Variants in AFG1L observed in about 807,000 individuals in gnomAD.
AFG1L encodes AFG1-like ATPase.
A neutral mutation model predicts 62.2 loss-of-function variants in AFG1L; 53 were observed. The observed-to-expected ratio is 0.85, with a 90% CI of 0.68 to 1.07. The LOEUF (loss-of-function observed/expected upper bound fraction) is 1.07. AFG1L is among the 50% of genes least tolerant of loss of function. AFG1L has a pLI of 0.00. For missense variants in AFG1L, 555 were observed against 590.5 expected, an observed-to-expected ratio of 0.94 and a Z score of 0.62; for synonymous variants, 228 against 210.3, an observed-to-expected ratio of 1.08 and a Z score of -0.73.
chr6:108,478,173 C>A (rs1291222036), intron 10 of AFG1L, among the ~76,000 whole-genome samples: 1 of 152,170 alleles, frequency 6.6e-6, no homozygotes, highest in Non-Finnish European at 1.5e-5. Flanking sequence ...TGCGGTGGCT[C>A]GCGCCTGTAA....
chr6:108,372,425 G>A (rs747358384), intron 6 of AFG1L, among the ~76,000 whole-genome samples: 11 of 151,422 alleles, frequency 7.3e-5, no homozygotes, highest in Non-Finnish European at 1.5e-4. Context: ...CGCCTCCTGG[G>A]TTCAAGCGCC....
chr6:108,522,222 T>C, intron 12 of AFG1L, 75 bp from the exon 13 acceptor site: 1 of 1,476,954 alleles, frequency 6.8e-7, no homozygotes, highest in Non-Finnish European at 9.2e-7. Context: ...TAAAAAGTTT[T>C]TTTAAACCTA....
chr6:108,352,046 A>G (rs1779103520), intron 3 of AFG1L, among the ~76,000 whole-genome samples: 1 of 152,284 alleles, frequency 6.6e-6, no homozygotes, highest in Middle Eastern at 3.4e-3. Flanking sequence ...AACTATTACC[A>G]CCATCTATCT....
chr6:108,480,977 C>G (rs771277621), intron 10 of AFG1L, among the ~76,000 whole-genome samples: 1 of 152,204 alleles, frequency 6.6e-6, no homozygotes, highest in Non-Finnish European at 1.5e-5. Flanking sequence ...CTGCCCAACT[C>G]ATGTGTGTTG....
chr6:108,319,495 T>C (rs1582583793), intron 1 of AFG1L: 2 of 155,464 alleles, frequency 1.3e-5, no homozygotes, highest in Admixed American at 1.3e-4. Context: ...CCCAGGCTGG[T>C]CTCGAGCTCC....
At chr6:108,340,837 G>A (rs1778653892) in intron 2 of AFG1L, among the ~76,000 whole-genome samples, 1 of 152,184 alleles carries the variant, frequency 6.6e-6, no homozygotes, top group South Asian at 2.1e-4. Context: ...GGGTGCAGAC[G>A]TGGGTGGGAT....
At chr6:108,373,324 G>T (rs1342357103) in intron 6 of AFG1L, among the ~76,000 whole-genome samples, 1 of 152,004 alleles carries the variant, frequency 6.6e-6, no homozygotes, top group Non-Finnish European at 1.5e-5. Flanking sequence ...ATTCATTTAG[G>T]CTAATGGCCT....
chr6:108,461,568 G>T, intron 8 of AFG1L, among the ~76,000 whole-genome samples: 1 of 152,006 alleles, frequency 6.6e-6, no homozygotes. Context: ...CCATTTTCCC[G>T]CCTCAGCCTA....
At chr6:108,522,198 TA>T in intron 12 of AFG1L, 98 bp from the exon 13 acceptor site, 3 of 1,094,132 alleles carry the variant, frequency 2.7e-6, no homozygotes, top group Non-Finnish European at 3.9e-6. Flanking sequence ...AGGCATAATC[TA>T]AACCGGTAAG....
At chr6:108,442,845 C>T (rs1771608072) in intron 7 of AFG1L, among the ~76,000 whole-genome samples, 1 of 152,150 alleles carries the variant, frequency 6.6e-6, no homozygotes, top group African/African-American at 2.4e-5. Flanking sequence ...GGAAACCCCT[C>T]ATTTCCAGGG....
intron 8 of AFG1L, among the ~76,000 whole-genome samples, chr6:108,447,749 C>A (rs1771877928): frequency 6.6e-6 from 1 of 151,964 alleles, no homozygotes; most frequent in South Asian, 2.1e-4. Context: ...TACACAAATA[C>A]AACTGGATAT....
intron 6 of AFG1L, among the ~76,000 whole-genome samples, chr6:108,375,854 C>G (rs2114533804): frequency 6.6e-6 from 1 of 152,106 alleles, no homozygotes; most frequent in Non-Finnish European, 1.5e-5. Flanking sequence ...GGAGTCTCTC[C>G]TCAGTTTTTT....
intron 8 of AFG1L, among the ~76,000 whole-genome samples, chr6:108,473,617 G>T (rs1772990258): frequency 6.6e-6 from 1 of 152,134 alleles, no homozygotes; most frequent in Non-Finnish European, 1.5e-5. Flanking sequence ...GAGTGCAATG[G>T]CACAATCTTG....
In AFG1L at chr6:108,326,174, G is replaced by A. The variant is rs531598139; in HGVS notation, c.363+2126G>A. On this transcript the variant is annotated intron_variant, in intron 2 of 12. Coordinates refer to ENST00000368977, the MANE Select transcript of AFG1L (RefSeq NM_145315.5). ...TAGCCTTGAAGTCCTGGGCCCAAGTGATTCTCCTCCCGCAGCCCCCTGAGT... is the reference window on the plus strand; with the variant it reads ...TAGCCTTGAAGTCCTGGGCCCAAGTAATTCTCCTCCCGCAGCCCCCTGAGT... Among the ~76,000 whole-genome samples the A allele has an allele frequency of 3.3e-5, 5 of 152,244 alleles. No individual in the cohort carries two copies. In the East Asian group the frequency reaches 9.7e-4, roughly 29 times the overall value.
chr6:108,450,351 A>G (rs1476008022), intron 8 of AFG1L, among the ~76,000 whole-genome samples: 1 of 152,170 alleles, frequency 6.6e-6, no homozygotes, highest in Non-Finnish European at 1.5e-5. Context: ...TCTGATGGCC[A>G]GTGATGATGA....
chr6:108,407,122 TG>T (rs912833917), intron 7 of AFG1L, among the ~76,000 whole-genome samples: 4 of 152,192 alleles, frequency 2.6e-5, no homozygotes, highest in Non-Finnish European at 4.4e-5. Context: ...GCAGTGGTGT[TG>T]GGATTCCTCA....
intron 10 of AFG1L, among the ~76,000 whole-genome samples, chr6:108,505,698 A>G (rs528503265): frequency 6.6e-6 from 1 of 152,360 alleles, no homozygotes; most frequent in African/African-American, 2.4e-5. Context: ...AAAGTGCAGT[A>G]ACAAAAATTA....
At chr6:108,499,436 A>T (rs1234538795) in intron 10 of AFG1L, among the ~76,000 whole-genome samples, 8 of 151,874 alleles carry the variant, frequency 5.3e-5, no homozygotes, top group Admixed American at 5.2e-4. Flanking sequence ...CCTGATTAAG[A>T]CTTTTAAAAT....
At chr6:108,362,884 A>G (rs1779600556) in intron 5 of AFG1L, among the ~76,000 whole-genome samples, 1 of 152,226 alleles carries the variant, frequency 6.6e-6, no homozygotes, top group Non-Finnish European at 1.5e-5. Context: ...TATTAAGCCT[A>G]GTACAATACT....
Sources: gnomAD v4.1 joint callset for allele counts (sites outside exome capture counted in the v4.1 genomes callset) on GRCh38, gnomAD v4.1.1 for gene constraint, MANE v1.5 for transcripts, NCBI Gene and HGNC (gene_info 2026-07-23, HGNC 2026-07-21) for gene names.